CASD1: variants seen among roughly 807,000 people sequenced by gnomAD.
The protein encoded by CASD1 is N-acetylneuraminate (7)9-O-acetyltransferase.
Under a neutral mutation model 100.0 loss-of-function variants are expected in CASD1, and 41 were observed. The ratio of observed to expected loss-of-function variants is 0.41; its 90% CI spans 0.32 to 0.53. The LOEUF (loss-of-function observed/expected upper bound fraction) is 0.53. Ranked by LOEUF, CASD1 falls within the 20% of genes least tolerant of loss-of-function variation. The probability of loss-of-function intolerance (pLI) is 0.25; values close to 1 mark genes in which losing one functional copy is unlikely to be tolerated. For missense variants in CASD1, 774 were observed against 948.7 expected (o/e 0.82, Z 2.42); for synonymous variants, 321 against 315.6 (o/e 1.02, Z -0.18).
the CASD1 span, among the ~76,000 whole-genome samples, chr7:94,596,571 G>A: frequency 1.3e-5 from 2 of 152,034 alleles, no homozygotes. Context: ...CACACTAAGG[G>A]ACTGAAGACT....
At chr7:94,613,212 T>C in the CASD1 span, among the ~76,000 whole-genome samples, 1 of 152,224 alleles carries the variant, frequency 6.6e-6, no homozygotes, top group Non-Finnish European at 1.5e-5. Context: ...TGGCTTCTTT[T>C]GTAGAATCAC....
chr7:94,515,933 G>T lies in CASD1; in HGVS notation c.134-1627G>T, dbSNP rs2106593. Among the ~76,000 whole-genome samples, 6 of 151,826 alleles carry T rather than the reference G, an allele frequency of 4.0e-5. No individual in the cohort carries two copies. In the South Asian group the frequency reaches 1.2e-3, roughly 31 times the overall value. On this transcript the variant is annotated intron_variant, in intron 1 of 17. Coordinates refer to ENST00000297273, the MANE Select transcript of CASD1 (RefSeq NM_022900.5). ...TTAAACATTTGCTAGGTTTTAATAA[G>T]ATTTTACCATATGGCCATTATAAAA...
At chr7:94,630,402 A>G in the CASD1 span, among the ~76,000 whole-genome samples, 860 of 151,970 alleles carry the variant, frequency 5.7e-3, 5 homozygotes, top group South Asian at 0.028. Flanking sequence ...CTGGGTATTC[A>G]TTCCTCGCAT....
intron 3 of CASD1, among the ~76,000 whole-genome samples, chr7:94,518,655 A>C (rs1419514742): frequency 6.6e-6 from 1 of 152,100 alleles, no homozygotes; most frequent in Admixed American, 6.6e-5. Flanking sequence ...GTATTTTTCC[A>C]TACTTCTTTT....
intron 7 of CASD1, among the ~76,000 whole-genome samples, chr7:94,534,918 GA>G (rs1209517675): frequency 2.0e-5 from 3 of 151,976 alleles, no homozygotes; most frequent in Non-Finnish European, 4.4e-5. Context: ...AGTGACAAGA[GA>G]AAAAAAGATG....
chr7:94,544,581 A>G (rs765478581), intron 11 of CASD1, 51 bp downstream of exon 11: 2 of 1,573,936 alleles, frequency 1.3e-6, no homozygotes, highest in Non-Finnish European at 1.7e-6. Context: ...TACTTTCTTG[A>G]GAAAGCATTA....
At chr7:94,616,105 T>C in the CASD1 span, among the ~76,000 whole-genome samples, 1 of 152,056 alleles carries the variant, frequency 6.6e-6, no homozygotes. Context: ...TCTGCAGAGA[T>C]TAAAAAAAAT....
the CASD1 span, among the ~76,000 whole-genome samples, chr7:94,577,219 A>G: frequency 6.6e-6 from 1 of 151,918 alleles, no homozygotes. Context: ...GCACCTTTAT[A>G]TGTGGTTTTG....
chr7:94,599,718 T>C, the CASD1 span: 3 of 1,605,682 alleles, frequency 1.9e-6, no homozygotes, highest in African/African-American at 2.7e-5. Flanking sequence ...CATGTTTCTC[T>C]TTTCCCTAGA....
chr7:94,528,107 A>G, intron 4 of CASD1, 81 bp from the exon 5 acceptor site: 1 of 963,170 alleles, frequency 1.0e-6, no homozygotes. Flanking sequence ...GTACTCTGTA[A>G]GAGAATGTTA....
the CASD1 span, among the ~76,000 whole-genome samples, chr7:94,572,156 TCTC>T: frequency 6.6e-6 from 1 of 150,892 alleles, no homozygotes. Context: ...GGGTTGATCT[TCTC>T]CTGGAGTATT....
chr7:94,515,782 TA>T (rs1329263712), intron 1 of CASD1, among the ~76,000 whole-genome samples: 1 of 152,078 alleles, frequency 6.6e-6, no homozygotes, highest in African/African-American at 2.4e-5. Context: ...AAGAAAACCT[TA>T]AAGGATTAAC....
intron 14 of CASD1, among the ~76,000 whole-genome samples, chr7:94,550,726 C>T (rs1256763910): frequency 6.6e-6 from 1 of 151,898 alleles, no homozygotes; most frequent in African/African-American, 2.4e-5. Flanking sequence ...AGGCTCTGAC[C>T]TAATGACCAA....
the CASD1 span, among the ~76,000 whole-genome samples, chr7:94,571,426 CT>C: frequency 6.6e-6 from 1 of 152,132 alleles, no homozygotes; most frequent in East Asian, 1.9e-4. Context: ...GCCCCCACCC[CT>C]GCAGGATGTA....
At chr7:94,529,376 C>A (rs538192806) in intron 5 of CASD1, among the ~76,000 whole-genome samples, 6 of 152,116 alleles carry the variant, frequency 3.9e-5, no homozygotes. Flanking sequence ...ACCAAAATTT[C>A]AATTCTCATA....
At position 94,555,906 on chromosome 7, in the gene CASD1, G is replaced by T. The variant is rs193301138; in HGVS notation, c.*148G>T. On this transcript the variant is annotated 3_prime_UTR_variant, in exon 18 of 18. Transcript: ENST00000297273. The stretch of plus-strand genomic sequence containing the variant: ...GTTCTGTGACATCTGTTGAACATAT[G>T]TGGTTGTATATATTGGAAATGTACA... The T allele has an allele frequency of 1.3e-6, 1 of 760,694 alleles. No homozygotes were observed. The highest frequency in any genetic ancestry group is 2.1e-6 in the Non-Finnish European group (1 of 481,476). 47.1% of individuals were successfully genotyped at this position (760,694 alleles called of 1,614,324 possible).
chr7:94,549,677 T>C (rs781151640), intron 14 of CASD1, 43 bp downstream of exon 14: 14 of 1,424,708 alleles, frequency 9.8e-6, no homozygotes, highest in Admixed American at 3.9e-5. Flanking sequence ...CAAATTATAC[T>C]GTTGGAAAAT....
the CASD1 span, chr7:94,628,524 T>TA: frequency 3.4e-4 from 194 of 577,538 alleles, no homozygotes; most frequent in African/African-American, 2.2e-3. Context: ...GGCACCACGT[T>TA]AAAAAAAATC....
chr7:94,514,989 TTA>T (rs1421988755), intron 1 of CASD1, among the ~76,000 whole-genome samples: 1 of 152,142 alleles, frequency 6.6e-6, no homozygotes, highest in Admixed American at 6.5e-5. Context: ...AGAATTTGTT[TTA>T]GAGTATGAAA....
Sources: allele counts gnomAD v4.1 joint callset (sites outside exome capture counted in the v4.1 genomes callset), GRCh38; gene constraint gnomAD v4.1.1; transcripts MANE v1.5; gene names NCBI Gene and HGNC (gene_info 2026-07-23, HGNC 2026-07-21).